RAB11FIP4: variants seen among roughly 807,000 people sequenced by gnomAD.
RAB11FIP4 encodes rab11 family-interacting protein 4.
A neutral mutation model predicts 74.3 loss-of-function variants in RAB11FIP4; 23 were observed. The observed-to-expected ratio is 0.31, with a 90% CI of 0.22 to 0.44. The LOEUF (loss-of-function observed/expected upper bound fraction) is 0.44, where lower values mean the gene tolerates loss of function less well. Ranked by LOEUF, RAB11FIP4 falls within the 20% of genes least tolerant of loss-of-function variation. RAB11FIP4 has a pLI of 1.00. For missense variants in RAB11FIP4, 630 were observed against 863.9 expected (o/e 0.73, Z 3.39); for synonymous variants, 360 against 359.9 (o/e 1.00, Z 0.00).
chr17:31,393,151 G>A (rs902133358), intron 1 of RAB11FIP4, among the ~76,000 whole-genome samples: 4 of 152,252 alleles, frequency 2.6e-5, no homozygotes, highest in Admixed American at 2.0e-4. Context: ...GTGGGCAGAA[G>A]AGAGTGAGGC....
chr17:31,407,817 G>C (rs1008870006), intron 1 of RAB11FIP4, among the ~76,000 whole-genome samples: 1 of 152,034 alleles, frequency 6.6e-6, no homozygotes, highest in African/African-American at 2.4e-5. Context: ...TCAACATAAT[G>C]GTACTTTTCC....
chr17:31,471,514 A>C (rs1199640915), intron 3 of RAB11FIP4, among the ~76,000 whole-genome samples: 3 of 152,188 alleles, frequency 2.0e-5, no homozygotes, highest in Non-Finnish European at 1.5e-5. Context: ...ACCTCGTGAG[A>C]GAGATACTAT....
intron 3 of RAB11FIP4, chr17:31,488,206 G>T (rs8074943): frequency 9.0e-7 from 1 of 1,114,816 alleles, no homozygotes; most frequent in Middle Eastern, 3.9e-4. Context: ...ACCCGCGCCC[G>T]CTGGCTTCCG....
chr17:31,431,737 AGCCT>A, intron 1 of RAB11FIP4, 72 bp from the exon 2 acceptor site: 4 of 528,436 alleles, frequency 7.6e-6, no homozygotes, highest in Admixed American at 2.0e-5. Flanking sequence ...CCTCCCTCCC[AGCCT>A]CCCCACCCAG....
chr17:31,430,650 C>T (rs1370257396), intron 1 of RAB11FIP4, among the ~76,000 whole-genome samples: 3 of 152,032 alleles, frequency 2.0e-5, no homozygotes, highest in African/African-American at 7.2e-5. Flanking sequence ...TGAGCCACCG[C>T]GCCCGCCCTG....
intron 3 of RAB11FIP4, among the ~76,000 whole-genome samples, chr17:31,453,600 G>A (rs1465948790): frequency 6.6e-6 from 1 of 151,682 alleles, no homozygotes; most frequent in Non-Finnish European, 1.5e-5. Context: ...CAAGGCAGGT[G>A]AATTACATGA....
intron 3 of RAB11FIP4, among the ~76,000 whole-genome samples, chr17:31,440,163 A>G (rs932832944): frequency 6.6e-6 from 1 of 152,182 alleles, no homozygotes; most frequent in Non-Finnish European, 1.5e-5. Flanking sequence ...AGAAGTATTT[A>G]TGCTTAGCTC....
intron 3 of RAB11FIP4, among the ~76,000 whole-genome samples, chr17:31,470,146 G>A (rs1357415576): frequency 2.0e-5 from 3 of 152,146 alleles, no homozygotes; most frequent in Non-Finnish European, 4.4e-5. Flanking sequence ...CGCTGCTTCT[G>A]AGACCCATCC....
chr17:31,530,261 A>T, intron 13 of RAB11FIP4, 65 bp from the exon 14 acceptor site: 1 of 1,586,398 alleles, frequency 6.3e-7, no homozygotes, highest in Non-Finnish European at 8.6e-7. Flanking sequence ...GATGTGGAGA[A>T]GTGGGTTCCA....
At position 31,487,697 on chromosome 17, in the gene RAB11FIP4, G is replaced by A. The variant is rs573954013; in HGVS notation, c.337-29954G>A. Among the ~76,000 whole-genome samples the A allele has an allele frequency of 3.9e-5, 6 of 152,070 alleles. No individual in the cohort carries two copies. In the South Asian group the frequency reaches 1.2e-3, roughly 32 times the overall value. On this transcript the variant is annotated intron_variant, in intron 3 of 14. Transcript: ENST00000621161. Reference sequence around the variant, plus strand: ...GCCGGCCGGAATCTCACAGTGCGGTGACAAAAAACCGTGAGGGTGGCGCAG... The same window carrying A: ...GCCGGCCGGAATCTCACAGTGCGGTAACAAAAAACCGTGAGGGTGGCGCAG...
intron 1 of RAB11FIP4, among the ~76,000 whole-genome samples, chr17:31,414,631 G>A (rs1252631079): frequency 1.3e-5 from 2 of 152,206 alleles, no homozygotes; most frequent in African/African-American, 2.4e-5. Flanking sequence ...TGGCGGCTGG[G>A]ACAGCGCTTC....
At position 31,521,961 on chromosome 17, in the gene RAB11FIP4, T is replaced by C; in HGVS notation, c.805T>C (p.Leu269=). 1 of 1,614,142 alleles carries C rather than the reference T, an allele frequency of 6.2e-7. No homozygotes were observed. The highest frequency in any genetic ancestry group is 8.5e-7 in the Non-Finnish European group (1 of 1,180,034). The change falls in exon 6 of 15, where the codon TTG becomes CTG. Residue 269 remains leucine (L), a synonymous_variant. Coordinates refer to ENST00000621161, the MANE Select transcript of RAB11FIP4 (RefSeq NM_032932.6). ...AATGCGGCACGTGTACAACAGCGAA[T>C]TGCTAGATGTTTACTGCTCTCAATG... ...RKMRHVYNSE[L]LDVYCSQCCK...
intron 3 of RAB11FIP4, among the ~76,000 whole-genome samples, chr17:31,461,999 T>G (rs142059932): frequency 0.022 from 3,375 of 152,194 alleles, 111 homozygotes; most frequent in African/African-American, 0.068. Context: ...CGGTGGCTCA[T>G]GCCTGTAATC....
chr17:31,488,528 C>T (rs922735153), intron 3 of RAB11FIP4: 1 of 254,842 alleles, frequency 3.9e-6, no homozygotes, highest in Non-Finnish European at 6.7e-6. Flanking sequence ...TCCCTGGGGA[C>T]CCGACGGCGG....
chr17:31,428,096 G>A (rs1279437156), intron 1 of RAB11FIP4, among the ~76,000 whole-genome samples: 1 of 152,156 alleles, frequency 6.6e-6, no homozygotes, highest in East Asian at 1.9e-4. Context: ...GAAAAGCAGG[G>A]TCAGCTGGAA....
chr17:31,451,670 G>A (rs1356522619), intron 3 of RAB11FIP4, among the ~76,000 whole-genome samples: 1 of 151,960 alleles, frequency 6.6e-6, no homozygotes, highest in East Asian at 1.9e-4. Flanking sequence ...CTGCCCAAGC[G>A]AGTTCTGCAC....
intron 3 of RAB11FIP4, among the ~76,000 whole-genome samples, chr17:31,510,792 CA>C (rs2072438575): frequency 6.6e-6 from 1 of 152,038 alleles, no homozygotes; most frequent in Non-Finnish European, 1.5e-5. Flanking sequence ...GGAGAGGTCC[CA>C]GGGGCTGGAT....
chr17:31,507,352 A>G (rs930151219), intron 3 of RAB11FIP4, among the ~76,000 whole-genome samples: 9 of 152,220 alleles, frequency 5.9e-5, no homozygotes, highest in Middle Eastern at 3.4e-3. Flanking sequence ...CCTTGCCAGC[A>G]TTTGTTATTT....
At chr17:31,450,505 C>T (rs1385364120) in intron 3 of RAB11FIP4, among the ~76,000 whole-genome samples, 3 of 151,880 alleles carry the variant, frequency 2.0e-5, no homozygotes, top group Non-Finnish European at 4.4e-5. Flanking sequence ...CCATCACACC[C>T]GGCTAATTTG....
Sources: gnomAD v4.1 joint callset for allele counts (sites outside exome capture counted in the v4.1 genomes callset) on GRCh38, gnomAD v4.1.1 for gene constraint, MANE v1.5 for transcripts, NCBI Gene and HGNC (gene_info 2026-07-23, HGNC 2026-07-21) for gene names.